RNF130: variants seen among roughly 807,000 people sequenced by gnomAD.
The protein encoded by RNF130 is E3 ubiquitin-protein ligase RNF130.
In RNF130, 21 loss-of-function variants were observed where a neutral mutation model predicts 44.6. The ratio of observed to expected loss-of-function variants is 0.47; its 90% CI spans 0.33 to 0.68. The LOEUF is 0.68. Ranked by LOEUF, RNF130 falls within the 30% of genes least tolerant of loss-of-function variation. RNF130 has a pLI of 0.02. For missense variants in RNF130, 479 were observed against 560.6 expected, an observed-to-expected ratio of 0.85 and a Z score of 1.47; for synonymous variants, 214 against 210.4, an observed-to-expected ratio of 1.02 and a Z score of -0.15.
chr5:179,965,463 T>C (rs1303273253), intron 7 of RNF130, among the ~76,000 whole-genome samples: 1 of 152,178 alleles, frequency 6.6e-6, no homozygotes, highest in Non-Finnish European at 1.5e-5. Context: ...TTCATCAAAG[T>C]ATAAGATTTT....
chr5:179,976,020 T>C (rs1762709550), intron 5 of RNF130, among the ~76,000 whole-genome samples: 1 of 151,872 alleles, frequency 6.6e-6, no homozygotes, highest in African/African-American at 2.4e-5. Flanking sequence ...TGGAAAGCAA[T>C]GAACTAAATT....
chr5:180,070,336 T>C (rs1765220755), intron 1 of RNF130, among the ~76,000 whole-genome samples: 1 of 152,186 alleles, frequency 6.6e-6, no homozygotes, highest in Non-Finnish European at 1.5e-5. Context: ...AACGGACTTT[T>C]CAAAGCCTAG....
chr5:180,045,110 A>G (rs2113148469), intron 1 of RNF130, among the ~76,000 whole-genome samples: 1 of 152,342 alleles, frequency 6.6e-6, no homozygotes, highest in East Asian at 1.9e-4. Context: ...GTAAGACGAT[A>G]TGTAACAGAG....
At chr5:179,976,336 T>C (rs1298976008) in intron 5 of RNF130, among the ~76,000 whole-genome samples, 1 of 152,168 alleles carries the variant, frequency 6.6e-6, no homozygotes, top group Non-Finnish European at 1.5e-5. Context: ...TGGAGGCCCG[T>C]AGTTTTAGGT....
At chr5:179,925,539 T>G (rs1267862712) in intron 7 of RNF130, among the ~76,000 whole-genome samples, 1 of 152,188 alleles carries the variant, frequency 6.6e-6, no homozygotes, top group Non-Finnish European at 1.5e-5. Context: ...TATTATTTTC[T>G]TCTTTTTGAG....
intron 7 of RNF130, among the ~76,000 whole-genome samples, chr5:179,941,203 C>T (rs1761965517): frequency 6.6e-6 from 1 of 152,098 alleles, no homozygotes; most frequent in Non-Finnish European, 1.5e-5. Flanking sequence ...GGCTTGCCTG[C>T]TTCGTTTGGT....
intron 3 of RNF130, among the ~76,000 whole-genome samples, chr5:179,981,428 G>C (rs903148001): frequency 6.6e-6 from 1 of 152,198 alleles, no homozygotes; most frequent in African/African-American, 2.4e-5. Flanking sequence ...ATAGAAACAT[G>C]TAAGAAAAAA....
intron 8 of RNF130, chr5:179,956,371 CT>C (rs1316978087): frequency 6.6e-6 from 1 of 152,378 alleles, no homozygotes; most frequent in Non-Finnish European, 1.5e-5. Context: ...ACACAACTCT[CT>C]AGCAACTCCT....
chr5:179,930,907 T>G (rs1024668379), intron 7 of RNF130, among the ~76,000 whole-genome samples: 1 of 151,704 alleles, frequency 6.6e-6, no homozygotes, highest in African/African-American at 2.4e-5. Flanking sequence ...CTGGGCGTGG[T>G]GATGCATGAC....
chr5:179,959,270 A>G (rs865915362), intron 8 of RNF130, among the ~76,000 whole-genome samples: 3 of 152,312 alleles, frequency 2.0e-5, no homozygotes, highest in South Asian at 2.1e-4. Flanking sequence ...CAAACCAAGC[A>G]TCCCCAAGAC....
intron 1 of RNF130, among the ~76,000 whole-genome samples, chr5:180,055,944 C>A (rs1764808984): frequency 6.6e-6 from 1 of 151,906 alleles, no homozygotes; most frequent in South Asian, 2.1e-4. Context: ...ATTAGCCAGG[C>A]ATGGTGGTGG....
At chr5:180,029,599 C>T (rs1199835081) in intron 2 of RNF130, among the ~76,000 whole-genome samples, 3 of 152,124 alleles carry the variant, frequency 2.0e-5, no homozygotes, top group African/African-American at 7.2e-5. Context: ...TATTATATTG[C>T]AGAATTTTTT....
Position 180,041,589 on chromosome 5 carries a change from T to C in RNF130, c.248-942A>G, listed in dbSNP as rs371254554. 2.0e-5 allele frequency among the ~76,000 whole-genome samples: 3 copies of C among 152,168 alleles called. No homozygotes were observed. The East Asian group carries it at 5.8e-4, about 29-fold the overall frequency. On this transcript the variant is annotated intron_variant, in intron 1 of 8. Transcript: ENST00000521389. The stretch of plus-strand genomic sequence containing the variant: ...CTTTCACATTTATAACAGGTTCAAA[T>C]GAGAGAGAAGGGCAGCCCAGAAGGG...
intron 8 of RNF130, chr5:179,955,948 T>C: frequency 2.9e-6 from 1 of 339,196 alleles, no homozygotes; most frequent in Non-Finnish European, 5.4e-6. Context: ...GGGACAATTA[T>C]CATACAATTT....
rs189658155 is a variant in RNF130 at position 180,051,968 on chromosome 5, T to G, written c.248-11321A>C. Among the ~76,000 whole-genome samples the G allele has an allele frequency of 1.2e-3, 181 of 152,328 alleles. 4 individuals carry two copies. In the South Asian group the frequency reaches 0.034, roughly 29 times the overall value. ...AGTTGGTGTCACAGTGCAATATAAG[T>G]GTTAATTGTTTATCCACATCACTCT... On this transcript the variant is annotated intron_variant, in intron 1 of 8. Transcript: ENST00000521389.
At chr5:180,000,799 G>A (rs1763316629) in intron 3 of RNF130, among the ~76,000 whole-genome samples, 1 of 152,036 alleles carries the variant, frequency 6.6e-6, no homozygotes, top group African/African-American at 2.4e-5. Context: ...TCTATTGATT[G>A]TCTACACGTT....
chr5:179,997,469 T>A (rs990082163), intron 3 of RNF130, among the ~76,000 whole-genome samples: 1 of 151,636 alleles, frequency 6.6e-6, no homozygotes, highest in Non-Finnish European at 1.5e-5. Context: ...GACTACAGAC[T>A]CCCACCACCA....
intron 1 of RNF130, among the ~76,000 whole-genome samples, chr5:180,045,077 C>T (rs1040915066): frequency 3.3e-5 from 5 of 152,304 alleles, no homozygotes; most frequent in African/African-American, 1.2e-4. Flanking sequence ...CTAAACTCTT[C>T]TCTTGAACTC....
chr5:180,055,812 C>T (rs11745588), intron 1 of RNF130, among the ~76,000 whole-genome samples: 16,744 of 152,100 alleles, frequency 0.11, 1,323 homozygotes, highest in Non-Finnish European at 0.16. Flanking sequence ...ACAACTGGTG[C>T]GTGGCTCATG....
Sources: gnomAD v4.1 joint callset for allele counts (sites outside exome capture counted in the v4.1 genomes callset) on GRCh38, gnomAD v4.1.1 for gene constraint, MANE v1.5 for transcripts, NCBI Gene and HGNC (gene_info 2026-07-23, HGNC 2026-07-21) for gene names.